Variants in CHRM3 observed in about 807,000 individuals in gnomAD.
CHRM3 encodes muscarinic acetylcholine receptor M3.
In CHRM3, 11 loss-of-function variants were observed where a neutral mutation model predicts 41.8. The observed-to-expected ratio is 0.26, with a 90% CI of 0.17 to 0.44. The LOEUF (loss-of-function observed/expected upper bound fraction) is 0.44. CHRM3 is among the 20% of genes least tolerant of loss of function. The pLI, the probability that CHRM3 is intolerant of heterozygous loss-of-function variation, is 1.00. For synonymous variants in CHRM3, 297 were observed against 301.4 expected (o/e 0.99, Z 0.15); for missense variants, 571 against 745.4 (o/e 0.77, Z 2.72).
intron 6 of CHRM3, among the ~76,000 whole-genome samples, chr1:239,840,510 A>G (rs1673705960): frequency 6.6e-6 from 1 of 152,242 alleles, no homozygotes; most frequent in South Asian, 2.1e-4. Context: ...TCTGTGAGCA[A>G]GAAAATGACC....
At chr1:239,447,499 A>C (rs183125401) in intron 1 of CHRM3, among the ~76,000 whole-genome samples, 117 of 152,304 alleles carry the variant, frequency 7.7e-4, no homozygotes, top group Non-Finnish European at 2.6e-4. Flanking sequence ...ACAAACAAAA[A>C]TACCTAGCAG....
chr1:239,627,664 C>T (rs1390280744), intron 3 of CHRM3, among the ~76,000 whole-genome samples: 6 of 142,702 alleles, frequency 4.2e-5, no homozygotes, highest in East Asian at 4.1e-4. Flanking sequence ...CCATGTTTAG[C>T]GCTTCCTTCA....
At chr1:239,867,187 AAAATAATT>A (rs1398439159) in intron 6 of CHRM3, among the ~76,000 whole-genome samples, 2 of 152,252 alleles carry the variant, frequency 1.3e-5, no homozygotes, top group East Asian at 3.8e-4. Flanking sequence ...GTAGAATTAT[AAAATAATT>A]AAATAGAATA....
At chr1:239,544,904 C>T (rs1659140445) in intron 2 of CHRM3, among the ~76,000 whole-genome samples, 1 of 152,174 alleles carries the variant, frequency 6.6e-6, no homozygotes, top group South Asian at 2.1e-4. Flanking sequence ...GCATGGTCCA[C>T]GTGATATGGT....
intron 1 of CHRM3, among the ~76,000 whole-genome samples, chr1:239,402,607 C>A (rs1660074052): frequency 2.0e-5 from 3 of 152,152 alleles, no homozygotes; most frequent in African/African-American, 7.2e-5. Flanking sequence ...CTCTAGGTTT[C>A]TGTGGAAACC....
At chr1:239,503,501 T>G (rs1668376612) in intron 2 of CHRM3, among the ~76,000 whole-genome samples, 1 of 151,910 alleles carries the variant, frequency 6.6e-6, no homozygotes, top group South Asian at 2.1e-4. Context: ...AGTCTACAAG[T>G]TCAATGCAAT....
At chr1:239,822,752 C>T (rs1672154859) in intron 5 of CHRM3, among the ~76,000 whole-genome samples, 1 of 152,122 alleles carries the variant, frequency 6.6e-6, no homozygotes, top group Non-Finnish European at 1.5e-5. Context: ...GTGTTATGGA[C>T]ACTAACATCA....
At chr1:239,797,994 A>G (rs1191203965) in intron 5 of CHRM3, among the ~76,000 whole-genome samples, 1 of 152,122 alleles carries the variant, frequency 6.6e-6, no homozygotes, top group African/African-American at 2.4e-5. Flanking sequence ...AGCTGCAGTG[A>G]GCTGTGATTG....
At chr1:239,751,334 T>C (rs1208868301) in intron 5 of CHRM3, among the ~76,000 whole-genome samples, 3 of 152,192 alleles carry the variant, frequency 2.0e-5, no homozygotes, top group East Asian at 1.9e-4. Flanking sequence ...AGGATATTCA[T>C]TGAAGCGCTA....
At chr1:239,617,452 T>A (rs551676159) in intron 3 of CHRM3, among the ~76,000 whole-genome samples, 1 of 152,244 alleles carries the variant, frequency 6.6e-6, no homozygotes, top group East Asian at 1.9e-4. Context: ...TGGCCAGGCG[T>A]GGGAGCTCAC....
intron 4 of CHRM3, among the ~76,000 whole-genome samples, chr1:239,643,921 G>A (rs1314278780): frequency 1.3e-5 from 2 of 152,194 alleles, no homozygotes; most frequent in Non-Finnish European, 2.9e-5. Context: ...TCATCAAAGT[G>A]TTGATAGTCA....
intron 4 of CHRM3, among the ~76,000 whole-genome samples, chr1:239,667,665 C>G (rs1444993598): frequency 6.6e-6 from 1 of 152,186 alleles, no homozygotes; most frequent in Non-Finnish European, 1.5e-5. Flanking sequence ...CGTGCTACCT[C>G]CTGTAAGTGC....
intron 1 of CHRM3, among the ~76,000 whole-genome samples, chr1:239,478,463 T>C (rs1318224368): frequency 6.6e-6 from 1 of 152,148 alleles, no homozygotes; most frequent in Non-Finnish European, 1.5e-5. Flanking sequence ...GCCAGTATTA[T>C]TAGATTAAAA....
intron 1 of CHRM3, among the ~76,000 whole-genome samples, chr1:239,441,455 C>T (rs916521072): frequency 2.0e-5 from 3 of 152,130 alleles, no homozygotes; most frequent in Non-Finnish European, 4.4e-5. Flanking sequence ...ATTTCTCATA[C>T]AGAAATTCCA....
chr1:239,621,026 C>T (rs1668303102), intron 3 of CHRM3, among the ~76,000 whole-genome samples: 1 of 152,160 alleles, frequency 6.6e-6, no homozygotes. Context: ...CCATTGGCAG[C>T]ATTTTTCCAA....
chr1:239,507,373 G>A (rs1421451651), intron 2 of CHRM3, among the ~76,000 whole-genome samples: 2 of 152,146 alleles, frequency 1.3e-5, no homozygotes, highest in African/African-American at 4.8e-5. Context: ...TATAAAAACA[G>A]GAGTTTCCCT....
chr1:239,392,306 C>A (rs1281217557), intron 1 of CHRM3, among the ~76,000 whole-genome samples: 1 of 152,174 alleles, frequency 6.6e-6, no homozygotes, highest in Non-Finnish European at 1.5e-5. Flanking sequence ...TTGGCAGGAT[C>A]AAATCTCAGT....
At chr1:239,588,035 G>T (rs951675128) in intron 3 of CHRM3, among the ~76,000 whole-genome samples, 1 of 152,104 alleles carries the variant, frequency 6.6e-6, no homozygotes. Flanking sequence ...GCTACACATC[G>T]CTCTGCTCTC....
chr1:239,821,749 T>A (rs1208040681), intron 5 of CHRM3, among the ~76,000 whole-genome samples: 1 of 152,160 alleles, frequency 6.6e-6, no homozygotes, highest in Non-Finnish European at 1.5e-5. Flanking sequence ...TTGGAACACT[T>A]GGAAACTGAT....
Sources: gnomAD v4.1 joint callset for allele counts (sites outside exome capture counted in the v4.1 genomes callset) on GRCh38, gnomAD v4.1.1 for gene constraint, MANE v1.5 for transcripts, NCBI Gene and HGNC (gene_info 2026-07-23, HGNC 2026-07-21) for gene names.